ABLIM2: variants seen among roughly 807,000 people sequenced by gnomAD.
ABLIM2 encodes the protein actin binding LIM protein family member 2, also known as actin-binding LIM protein 2.
Under a neutral mutation model 97.7 loss-of-function variants are expected in ABLIM2, and 53 were observed. The observed-to-expected ratio is 0.54, with a 90% confidence interval of 0.44 to 0.68. ABLIM2 has a LOEUF of 0.68. ABLIM2 is among the 30% of genes least tolerant of loss of function. The probability of loss-of-function intolerance (pLI) is 0.00; values close to 1 mark genes in which losing one functional copy is unlikely to be tolerated. For missense variants in ABLIM2, 835 were observed against 867.2 expected, an observed-to-expected ratio of 0.96 and a Z score of 0.47; for synonymous variants, 361 against 345.8, an observed-to-expected ratio of 1.04 and a Z score of -0.49.
Position 8,071,954 on chromosome 4 carries a change from C to T in ABLIM2, c.675+5674G>A, listed in dbSNP as rs1812494770. 2.0e-6 allele frequency: 2 copies of T among 985,520 alleles called. No homozygotes were observed. The highest frequency in any genetic ancestry group is 3.5e-5 in the African/African-American group (2 of 57,356). The allele number at this position is 985,520 out of a possible 1,614,324, so 61.0% of individuals were successfully genotyped here. A position where few individuals can be genotyped will look rare whatever the true frequency, so the allele number is the denominator to read the frequency against. ...CCGGCACACTGGGCCGAGCATCAGG[C>T]AGTGCCACCGCGGCGGCGGCAGCTC... On this transcript the variant is annotated intron_variant, in intron 6 of 20. Transcript: ENST00000447017. This position sits in a 1 kb window ranked among gnomAD's most constrained non-coding sequence, Gnocchi z 6.2.
In ABLIM2 at chr4:8,155,390, T is replaced by A. The variant is rs976060552; in HGVS notation, c.10+3290A>T. ...GGGCTCAGGTTCGGGCTCTGCCACA[T>A]CCTCTCCTTGGCCCTGGACAGCTGC... On this transcript the variant is annotated intron_variant, in intron 1 of 20. Coordinates refer to ENST00000447017, the MANE Select transcript of ABLIM2 (RefSeq NM_001130083.2). This position sits in a 1 kb window ranked among gnomAD's most constrained non-coding sequence, Gnocchi z 4.2. Among the ~76,000 whole-genome samples the A allele has an allele frequency of 6.6e-6, 1 of 152,174 alleles. No homozygotes were observed. Among genetic ancestry groups the A allele is most frequent in the African/African-American group, 2.4e-5 (1 of 41,436 alleles).
intron 9 of ABLIM2, among the ~76,000 whole-genome samples, chr4:8,040,240 G>T (rs937942070): frequency 5.9e-5 from 9 of 152,214 alleles, no homozygotes; most frequent in African/African-American, 2.2e-4. Context: ...CCCTTTCTGA[G>T]ACCGTGGGGG....
chr4:8,096,900 C>T (rs1263562430), intron 3 of ABLIM2, among the ~76,000 whole-genome samples, 199 bp downstream of exon 3: 1 of 152,240 alleles, frequency 6.6e-6, no homozygotes, highest in Non-Finnish European at 1.5e-5. Context: ...CCACCCCTGC[C>T]CTCACGGAGC....
At chr4:8,053,500 C>T (rs960690027) in intron 8 of ABLIM2, among the ~76,000 whole-genome samples, 4 of 152,284 alleles carry the variant, frequency 2.6e-5, no homozygotes, top group East Asian at 1.9e-4. Flanking sequence ...CTGGGATTTT[C>T]GGGGTTCACA....
chr4:7,980,700 G>A (rs1369283894), intron 20 of ABLIM2, among the ~76,000 whole-genome samples: 3 of 148,724 alleles, frequency 2.0e-5, no homozygotes, highest in Non-Finnish European at 3.0e-5. Flanking sequence ...GAGTGACAGA[G>A]TGAGACTCTG....
At position 8,001,399 on chromosome 4, in the gene ABLIM2, G is replaced by A. The variant is rs182229305; in HGVS notation, c.1618+6660C>T. On this transcript the variant is annotated intron_variant, in intron 16 of 20. Transcript: ENST00000447017. This position sits in a 1 kb window ranked among gnomAD's most constrained non-coding sequence, Gnocchi z 4.2. ...GGGCAGGGGGAGGTGTGGGGATTCC[G>A]GCTGAAGGCTAGTCCCCAGGCAACC... Among the ~76,000 whole-genome samples the A allele has an allele frequency of 6.6e-6, 1 of 152,108 alleles. No individual in the cohort carries two copies. Among genetic ancestry groups the A allele is most frequent in the Admixed American group, 6.5e-5 (1 of 15,282 alleles).
At chr4:8,157,523 T>A (rs762275513) in intron 1 of ABLIM2, among the ~76,000 whole-genome samples, 3 of 152,196 alleles carry the variant, frequency 2.0e-5, no homozygotes, top group Admixed American at 6.5e-5. Flanking sequence ...CGTCCCTCCT[T>A]CCTTGGATTG....
chr4:8,116,836 C>T (rs1193625798), intron 1 of ABLIM2, among the ~76,000 whole-genome samples: 1 of 152,106 alleles, frequency 6.6e-6, no homozygotes, highest in Non-Finnish European at 1.5e-5. Flanking sequence ...TACTAGGTCC[C>T]AAACTGTTCC....
At position 8,008,081 on chromosome 4, in the gene ABLIM2, C is replaced by A; in HGVS notation, c.1596G>T (p.Met532Ile). The change falls in exon 16 of 21, where the codon ATG becomes ATT. Residue 532 changes from methionine to isoleucine, a missense_variant. Met to Ile is a conservative substitution (Grantham distance 10). Transcript: ENST00000447017. ...CACGTGAGTGAAAGCTGTCCCCTGC[C>A]ATCCTTTGGAGAGGGTCTCTGTCGG... is the stretch of plus-strand genomic sequence containing the variant. Reference protein sequence around the residue: ...SGTDRDPLQRMAGDSFHSRFP... With the variant: ...SGTDRDPLQRIAGDSFHSRFP... The A allele has an allele frequency of 6.2e-7, 1 of 1,614,032 alleles. No homozygotes were observed. Among genetic ancestry groups the A allele is most frequent in the South Asian group, 1.1e-5 (1 of 91,072 alleles).
rs773770736 is a variant in ABLIM2, at chr4:8,054,225, G to A, written c.785C>T (p.Ala262Val). The change falls in exon 8 of 21, where the codon GCG (alanine) becomes GTG (valine). Residue 262 changes from alanine to valine, a missense_variant. Coordinates refer to ENST00000447017, the MANE Select transcript of ABLIM2 (RefSeq NM_001130083.2). This position sits in a 1 kb window ranked among gnomAD's most constrained non-coding sequence, Gnocchi z 4.9. ...YLQGSSIWHP[A>V]CRQAARTEDR... ...TTCAGTTCTGGCTGCTTGTCGACAC[G>A]CCGGATGCCAGATGGAGGAACCTGT... 10 of 1,613,952 alleles carry A rather than the reference G, an allele frequency of 6.2e-6. No individual in the cohort carries two copies. The highest frequency in any genetic ancestry group is 1.7e-5 in the Admixed American group (1 of 60,008).
Position 7,998,708 on chromosome 4 carries a change from C to G in ABLIM2, c.1619-5781G>C. On this transcript the variant is annotated intron_variant, in intron 16 of 20. Transcript: ENST00000447017. The surrounding 1 kb of genome is among the most constrained non-coding windows in gnomAD (Gnocchi z 6.4). ...GGGAGTCTGCAGGTCTGGGCCACCTCCTGCCACTGCATGGGAGGCTGGGAG... is the reference window on the plus strand; with the variant it reads ...GGGAGTCTGCAGGTCTGGGCCACCTGCTGCCACTGCATGGGAGGCTGGGAG... 1 of 498,388 alleles carries G rather than the reference C, an allele frequency of 2.0e-6. No individual in the cohort carries two copies. Among genetic ancestry groups the G allele is most frequent in the South Asian group, 1.5e-5 (1 of 68,220 alleles). The allele number at this position is 498,388 out of a possible 1,614,324, so 30.9% of individuals were successfully genotyped here. A position where few individuals can be genotyped will look rare whatever the true frequency, so the allele number is the denominator to read the frequency against.
At position 8,027,748 on chromosome 4, in the gene ABLIM2, G is replaced by C; in HGVS notation, c.1267+11C>G. The C allele has an allele frequency of 1.3e-6, 2 of 1,567,512 alleles. No individual in the cohort carries two copies. The highest frequency in any genetic ancestry group is 1.7e-6 in the Non-Finnish European group (2 of 1,156,418). The stretch of plus-strand genomic sequence containing the variant: ...ATGAGCACCCACAGCCCACATCACT[G>C]CGTGCCTTACCTCGGAAGTAGGGGA... On this transcript the variant is annotated intron_variant, in intron 12 of 20. Transcript: ENST00000447017.
At chr4:8,014,169 G>A (rs1051488818) in intron 14 of ABLIM2, among the ~76,000 whole-genome samples, 1 of 152,252 alleles carries the variant, frequency 6.6e-6, no homozygotes, top group Admixed American at 6.5e-5. Flanking sequence ...GACTCTGGCA[G>A]CCAGGAGCCA....
rs981200157 is a variant in ABLIM2 at position 8,128,653 on chromosome 4, G to C, written c.11-22016C>G. ...CGATGAAGTCATTGTCTAGCCCAAG[G>C]CCACTGCCGTGGATTGAATGTGGTG... On this transcript the variant is annotated intron_variant, in intron 1 of 20. Coordinates refer to ENST00000447017, the MANE Select transcript of ABLIM2 (RefSeq NM_001130083.2). The surrounding 1 kb of genome is among the most constrained non-coding windows in gnomAD (Gnocchi z 4.9). Among the ~76,000 whole-genome samples the C allele has an allele frequency of 3.4e-4, 52 of 152,318 alleles. No homozygotes were observed. The highest frequency in any genetic ancestry group is 1.2e-3 in the African/African-American group (51 of 41,564).
Position 8,125,517 on chromosome 4 carries a change from CCAT to C in ABLIM2, c.11-18883_11-18881del, listed in dbSNP as rs1847467108. ...CCAGACTGCTTCTGGGATGGCTCTG[CCAT>C]CAGCGTTGACGGTCTGGTCCATCTA... On this transcript the variant is annotated intron_variant, in intron 1 of 20. Transcript: ENST00000447017. This position sits in a 1 kb window ranked among gnomAD's most constrained non-coding sequence, Gnocchi z 6.2. Among the ~76,000 whole-genome samples the C allele has an allele frequency of 6.6e-6, 1 of 152,044 alleles. No individual in the cohort carries two copies. Among genetic ancestry groups the C allele is most frequent in the Non-Finnish European group, 1.5e-5 (1 of 68,002 alleles).
chr4:8,049,809 A>T (rs1432076582), intron 8 of ABLIM2, among the ~76,000 whole-genome samples: 3 of 152,098 alleles, frequency 2.0e-5, no homozygotes, highest in Non-Finnish European at 2.9e-5. Context: ...ACTCACTGCA[A>T]CCTCTGCCTC....
At position 8,150,692 on chromosome 4, in the gene ABLIM2, C is replaced by A. The variant is rs148130082; in HGVS notation, c.10+7988G>T. On this transcript the variant is annotated intron_variant, in intron 1 of 20. Transcript: ENST00000447017. The surrounding 1 kb of genome is among the most constrained non-coding windows in gnomAD (Gnocchi z 6.3). ...CTAAAATGAAGCTTCGAGCTGAGAC[C>A]GATGACTCAAGACACCACGCCTCCT... is the stretch of plus-strand genomic sequence containing the variant. 6.6e-6 allele frequency among the ~76,000 whole-genome samples: 1 copy of A among 152,282 alleles called. No homozygotes were observed. The highest frequency in any genetic ancestry group is 2.4e-5 in the African/African-American group (1 of 41,558).
At chr4:8,145,573 A>G (rs1851658677) in intron 1 of ABLIM2, among the ~76,000 whole-genome samples, 1 of 152,144 alleles carries the variant, frequency 6.6e-6, no homozygotes, top group Non-Finnish European at 1.5e-5. Context: ...CAGCACACCC[A>G]GGATATATTT....
intron 1 of ABLIM2, among the ~76,000 whole-genome samples, chr4:8,111,566 AT>A (rs1212988516): frequency 6.6e-6 from 1 of 152,240 alleles, no homozygotes; most frequent in Non-Finnish European, 1.5e-5. Flanking sequence ...ATGGGAGCAC[AT>A]CGGAACTCTC....
Sources: gnomAD v4.1 joint callset for allele counts (sites outside exome capture counted in the v4.1 genomes callset) on GRCh38, gnomAD v4.1.1 for gene constraint, Gnocchi (gnomAD v3.1) non-coding constraint, MANE v1.5 for transcripts, NCBI Gene and HGNC (gene_info 2026-07-23, HGNC 2026-07-21) for gene names.